BCAS3: variants seen among roughly 807,000 people sequenced by gnomAD.
The protein encoded by BCAS3 is BCAS4/BCAS3 fusion.
In BCAS3, 53 loss-of-function variants were observed where a neutral mutation model predicts 116.1. The observed-to-expected ratio is 0.46, with a 90% CI of 0.37 to 0.57. The LOEUF (loss-of-function observed/expected upper bound fraction) is 0.57, where lower values mean the gene tolerates loss of function less well. Among genes scored for constraint, BCAS3 ranks in the 20% least tolerant of loss-of-function variants. The probability of loss-of-function intolerance (pLI) is 0.00; values close to 1 mark genes in which losing one functional copy is unlikely to be tolerated. For missense variants in BCAS3, 917 were observed against 1,165.4 expected, an observed-to-expected ratio of 0.79 and a Z score of 3.10; for synonymous variants, 391 against 408.2, an observed-to-expected ratio of 0.96 and a Z score of 0.51.
chr17:61,153,143 C>T (rs1377417328), intron 22 of BCAS3, among the ~76,000 whole-genome samples: 6 of 152,192 alleles, frequency 3.9e-5, no homozygotes, highest in Non-Finnish European at 8.8e-5. Context: ...TCTCCCATTA[C>T]CTCACTTTAG....
intron 19 of BCAS3, among the ~76,000 whole-genome samples, chr17:61,052,104 T>C (rs1239640521): frequency 6.6e-6 from 1 of 152,026 alleles, no homozygotes; most frequent in Non-Finnish European, 1.5e-5. Flanking sequence ...AATTTGGAAA[T>C]TTTTATACAA....
chr17:61,247,453 A>G (rs1431696841), intron 22 of BCAS3, among the ~76,000 whole-genome samples: 1 of 152,176 alleles, frequency 6.6e-6, no homozygotes, highest in East Asian at 1.9e-4. Flanking sequence ...GTATGGATTC[A>G]TTGGGCTTCT....
At chr17:61,375,000 G>T (rs970525259) in intron 23 of BCAS3, among the ~76,000 whole-genome samples, 1 of 152,170 alleles carries the variant, frequency 6.6e-6, no homozygotes, top group Non-Finnish European at 1.5e-5. Flanking sequence ...TGCAGAAAAG[G>T]CTTTAAGATT....
At chr17:61,275,874 A>G (rs549867174) in intron 22 of BCAS3, among the ~76,000 whole-genome samples, 1 of 152,302 alleles carries the variant, frequency 6.6e-6, no homozygotes, top group Non-Finnish European at 1.5e-5. Flanking sequence ...TTTTCTTATG[A>G]TTAACCCCAA....
At position 61,162,333 on chromosome 17, in the gene BCAS3, A is replaced by G. The variant is rs2078217247; in HGVS notation, c.2425+77769A>G. 6.6e-6 allele frequency among the ~76,000 whole-genome samples: 1 copy of G among 152,108 alleles called. No homozygotes were observed. Among genetic ancestry groups the G allele is most frequent in the Admixed American group, 6.5e-5 (1 of 15,276 alleles). ...GGGAATCATTTCTCAGGAGAAGGAG[A>G]GCTTGCGAATGGAAGGGGTGTTCCT... On this transcript the variant is annotated intron_variant, in intron 22 of 23. Coordinates refer to ENST00000407086, the MANE Select transcript of BCAS3 (RefSeq NM_017679.5). This position sits in a 1 kb window ranked among gnomAD's most constrained non-coding sequence, Gnocchi z 5.6.
chr17:61,264,503 G>A (rs2049504631), intron 22 of BCAS3, among the ~76,000 whole-genome samples: 1 of 151,682 alleles, frequency 6.6e-6, no homozygotes, highest in South Asian at 2.1e-4. Context: ...CTGCCTCCTG[G>A]TGCAAGTGAT....
At chr17:61,089,085 G>T (rs536153362) in intron 22 of BCAS3, among the ~76,000 whole-genome samples, 3 of 152,188 alleles carry the variant, frequency 2.0e-5, no homozygotes, top group Admixed American at 2.0e-4. Context: ...GTTTTTTGTT[G>T]TTCTTGACTC....
At chr17:60,765,103 C>A (rs2043953853) in intron 6 of BCAS3, among the ~76,000 whole-genome samples, 1 of 152,074 alleles carries the variant, frequency 6.6e-6, no homozygotes. Context: ...TGAGCTGGGT[C>A]TCCTGAATAT....
In BCAS3 at chr17:61,027,791, G is replaced by A. The variant is rs577801386; in HGVS notation, c.1638-6875G>A. ...TGGACTCACTATGAGTATTAAATAA[G>A]CTGATACATATCTCAGTATGTGTTA... On this transcript the variant is annotated intron_variant, in intron 16 of 23. Coordinates refer to ENST00000407086, the MANE Select transcript of BCAS3 (RefSeq NM_017679.5). Among the ~76,000 whole-genome samples the A allele has an allele frequency of 2.6e-5, 4 of 151,918 alleles. No individual in the cohort carries two copies. The East Asian group carries it at 7.7e-4, about 29-fold the overall frequency.
In BCAS3 at chr17:60,707,277, G is replaced by C. The variant is rs181868538; in HGVS notation, c.215-1942G>C. 4.5e-3 allele frequency among the ~76,000 whole-genome samples: 680 copies of C among 151,982 alleles called. 5 individuals carry two copies. The highest frequency in any genetic ancestry group is 6.8e-3 in the Non-Finnish European group (459 of 67,956). ...CAAAGTGCTGGGATTACAGGTGTGAGCCACCACGCCCGGCCAATTTTTGTA... is the reference window on the plus strand; with the variant it reads ...CAAAGTGCTGGGATTACAGGTGTGACCCACCACGCCCGGCCAATTTTTGTA... On this transcript the variant is annotated intron_variant, in intron 4 of 23. Transcript: ENST00000407086.
chr17:61,273,116 T>A (rs894382219), intron 22 of BCAS3, among the ~76,000 whole-genome samples: 2 of 151,964 alleles, frequency 1.3e-5, no homozygotes, highest in Non-Finnish European at 2.9e-5. Context: ...TTTTATTTTT[T>A]TTTTTTTCTG....
chr17:60,705,261 G>C (rs145686185), intron 4 of BCAS3, among the ~76,000 whole-genome samples: 2 of 152,206 alleles, frequency 1.3e-5, no homozygotes, highest in African/African-American at 4.8e-5. Context: ...GCTCATCCCT[G>C]TAATCCCAGC....
intron 22 of BCAS3, among the ~76,000 whole-genome samples, chr17:61,358,755 C>CA (rs2058291731): frequency 6.6e-6 from 1 of 152,092 alleles, no homozygotes; most frequent in African/African-American, 2.4e-5. Context: ...CTCAGCCTCC[C>CA]AAAGTGCTGG....
intron 22 of BCAS3, among the ~76,000 whole-genome samples, chr17:61,360,486 G>A (rs571685747): frequency 3.9e-5 from 6 of 152,312 alleles, no homozygotes; most frequent in South Asian, 4.1e-4. Context: ...CTGGAGGCTA[G>A]CATTCTGAAA....
rs539097598 is a variant in BCAS3 at position 61,163,732 on chromosome 17, A to G, written c.2425+79168A>G. On this transcript the variant is annotated intron_variant, in intron 22 of 23. Coordinates refer to ENST00000407086, the MANE Select transcript of BCAS3 (RefSeq NM_017679.5). ...CCAGGCACGGTGGCTCACGCCTGTA[A>G]TCCCAGTACTTTGGGAGGCCAAGGT... 4.6e-5 allele frequency among the ~76,000 whole-genome samples: 7 copies of G among 152,240 alleles called. No homozygotes were observed. The East Asian group carries it at 1.4e-3, about 29-fold the overall frequency.
chr17:60,851,730 A>G, intron 7 of BCAS3: 1 of 887,266 alleles, frequency 1.1e-6, no homozygotes, highest in Non-Finnish European at 1.9e-6. Context: ...GAGAGAAAGA[A>G]GCCAAGTCTG....
intron 6 of BCAS3, among the ~76,000 whole-genome samples, chr17:60,750,512 A>G (rs540017343): frequency 4.3e-4 from 66 of 152,352 alleles, no homozygotes; most frequent in Admixed American, 2.5e-3. Flanking sequence ...AAGATTAGAA[A>G]GAAGGATATG....
At chr17:60,776,625 C>T (rs1003820357) in intron 6 of BCAS3, among the ~76,000 whole-genome samples, 7 of 148,756 alleles carry the variant, frequency 4.7e-5, no homozygotes, top group African/African-American at 1.2e-4. Context: ...AGGCTGAGGC[C>T]GGAGAATCGC....
chr17:60,810,675 A>C, intron 7 of BCAS3: 4 of 667,232 alleles, frequency 6.0e-6, no homozygotes, highest in Non-Finnish European at 1.1e-5. Context: ...AGTATGAGAC[A>C]GAGCTGGCCA....
Sources: gnomAD v4.1 joint callset for allele counts (sites outside exome capture counted in the v4.1 genomes callset) on GRCh38, gnomAD v4.1.1 for gene constraint, Gnocchi (gnomAD v3.1) non-coding constraint, MANE v1.5 for transcripts, NCBI Gene and HGNC (gene_info 2026-07-23, HGNC 2026-07-21) for gene names.